The following LGR4 variants were observed in gnomAD, a reference collection of about 807,000 sequenced individuals.
LGR4 encodes the protein leucine-rich repeat-containing G protein-coupled receptor 4.
A neutral mutation model predicts 84.8 loss-of-function variants in LGR4; 44 were observed. The observed-to-expected ratio is 0.52, with a 90% CI of 0.41 to 0.67. LGR4 has a LOEUF of 0.67. Among genes scored for constraint, LGR4 ranks in the 30% least tolerant of loss-of-function variants. The probability of loss-of-function intolerance (pLI) is 0.00; values close to 1 mark genes in which losing one functional copy is unlikely to be tolerated. For missense variants in LGR4, 1,032 were observed against 1,131.4 expected, an observed-to-expected ratio of 0.91 and a Z score of 1.26; for synonymous variants, 429 against 434.3, an observed-to-expected ratio of 0.99 and a Z score of 0.15.
intron 1 of LGR4, among the ~76,000 whole-genome samples, chr11:27,445,040 AGGCAGAACTCG>A (rs199629013): frequency 0.013 from 1,924 of 152,296 alleles, 44 homozygotes; most frequent in African/African-American, 0.044. Context: ...ATTTCAAACA[AGGCAGAACTCG>A]GGCAGCTGCC....
chr11:27,411,190 T>C (rs1256818089), intron 2 of LGR4, among the ~76,000 whole-genome samples: 4 of 152,102 alleles, frequency 2.6e-5, no homozygotes, highest in African/African-American at 7.2e-5. Context: ...TTCCATCACA[T>C]AATTACTTCT....
intron 1 of LGR4, among the ~76,000 whole-genome samples, chr11:27,469,737 T>C (rs1311094841): frequency 6.6e-6 from 1 of 152,236 alleles, no homozygotes; most frequent in Admixed American, 6.5e-5. Flanking sequence ...CTCCAGCAAT[T>C]AAGAATAGGT....
chr11:27,398,150 A>G (rs1052802786), intron 2 of LGR4, among the ~76,000 whole-genome samples: 4 of 152,232 alleles, frequency 2.6e-5, no homozygotes, highest in Non-Finnish European at 5.9e-5. Context: ...CTCTTAATGC[A>G]TATATGACCT....
At chr11:27,410,374 C>G (rs1863687432) in intron 2 of LGR4, among the ~76,000 whole-genome samples, 1 of 152,094 alleles carries the variant, frequency 6.6e-6, no homozygotes, top group Non-Finnish European at 1.5e-5. Flanking sequence ...AAACATTCAT[C>G]ACATCAAATT....
In LGR4 at chr11:27,373,594, T is replaced by G; in HGVS notation, c.1336A>C (p.Lys446Gln). Residue 446 changes from lysine to glutamine, a missense_variant, in exon 15 of 18, where the codon AAG (lysine) becomes CAG (glutamine). Physicochemically the swap from Lys to Gln is moderately conservative, Grantham distance 53. Coordinates refer to ENST00000379214, the MANE Select transcript of LGR4 (RefSeq NM_018490.5). ...TTTGCTGCTAAGGCTTCTTTCAGCT[T>G]GAAGTTGCCCACAAGTTTCAGTTGA... ...LNQLKLVGNFKLKEALAAKDF... is the reference protein window; with the variant it reads ...LNQLKLVGNFQLKEALAAKDF... 6.2e-7 allele frequency: 1 copy of G among 1,601,504 alleles called. No homozygotes were observed. The highest frequency in any genetic ancestry group is 8.5e-7 in the Non-Finnish European group (1 of 1,172,438).
rs1639097263 is a variant in LGR4, at chr11:27,368,282, A to G, written c.2441T>C (p.Leu814Ser). 2.5e-6 allele frequency: 4 copies of G among 1,614,114 alleles called. No homozygotes were observed. The highest frequency in any genetic ancestry group is 3.3e-5 in the Admixed American group (2 of 59,998). ...TTTCTTGGTAACACGTCGCTTCAGTAACTTCCAGTCTTCTTTAAACTTTGG... is the reference window on the plus strand; with the variant it reads ...TTTCTTGGTAACACGTCGCTTCAGTGACTTCCAGTCTTCTTTAAACTTTGG... ...FNPKFKEDWKLLKRRVTKKSG... is the reference protein window; with the variant it reads ...FNPKFKEDWKSLKRRVTKKSG... Residue 814 changes from leucine (L) to serine (S), a missense_variant, in exon 18 of 18, where the codon TTA becomes TCA. Leu to Ser is a moderately radical substitution (Grantham distance 145). Transcript: ENST00000379214.
At chr11:27,371,580 A>T in intron 17 of LGR4, 35 bp downstream of exon 17, 3 of 1,432,846 alleles carry the variant, frequency 2.1e-6, no homozygotes. Context: ...TGTTTGTTTA[A>T]CATGGGTAAC....
intron 2 of LGR4, among the ~76,000 whole-genome samples, chr11:27,398,437 G>A (rs980105418): frequency 1.3e-5 from 2 of 152,182 alleles, no homozygotes; most frequent in Admixed American, 6.5e-5. Context: ...GTTTCTTGTG[G>A]TCTATTACAG....
Position 27,376,293 on chromosome 11 carries a change from A to C in LGR4, c.1181+6T>G. 1 of 1,532,360 alleles carries C rather than the reference A, an allele frequency of 6.5e-7. No individual in the cohort carries two copies. The highest frequency in any genetic ancestry group is 8.9e-7 in the Non-Finnish European group (1 of 1,118,376). The allele number at this position is 1,532,360 out of a possible 1,614,324, so 94.9% of individuals were successfully genotyped here. On this transcript the variant is annotated splice_donor_region_variant and intron_variant, in intron 13 of 17. Coordinates refer to ENST00000379214, the MANE Select transcript of LGR4 (RefSeq NM_018490.5). Reference sequence around the variant, plus strand: ...TATTGTCTTTAATAATCATAGACAAACTTACAGAATCCTTAGAGATATCAG... The same window carrying C: ...TATTGTCTTTAATAATCATAGACAACCTTACAGAATCCTTAGAGATATCAG...
intron 3 of LGR4, among the ~76,000 whole-genome samples, chr11:27,391,925 T>TG (rs1863293479): frequency 6.6e-6 from 1 of 152,098 alleles, no homozygotes; most frequent in Non-Finnish European, 1.5e-5. Context: ...GTGGCAGAAG[T>TG]GGGGGCAGTC....
chr11:27,453,248 T>C (rs34642299), intron 1 of LGR4, among the ~76,000 whole-genome samples: 36,344 of 151,882 alleles, frequency 0.24, 4,556 homozygotes, highest in African/African-American at 0.31. Context: ...TTTGTACTTT[T>C]AGTAAAGACA....
At chr11:27,405,575 TG>T (rs1363800159) in intron 2 of LGR4, among the ~76,000 whole-genome samples, 1 of 152,186 alleles carries the variant, frequency 6.6e-6, no homozygotes, top group Non-Finnish European at 1.5e-5. Context: ...TCCACATGTA[TG>T]TTAAAAACAG....
intron 1 of LGR4, among the ~76,000 whole-genome samples, chr11:27,424,882 G>A (rs949484739): frequency 6.6e-6 from 1 of 152,066 alleles, no homozygotes; most frequent in Admixed American, 6.6e-5. Context: ...CAAGTAGTTG[G>A]GATTATAGGC....
At chr11:27,407,310 T>C (rs1863629728) in intron 2 of LGR4, among the ~76,000 whole-genome samples, 1 of 152,122 alleles carries the variant, frequency 6.6e-6, no homozygotes, top group African/African-American at 2.4e-5. Flanking sequence ...ATGGTCCCTT[T>C]AGCTCCCCTC....
At chr11:27,464,408 C>A (rs1368179975) in intron 1 of LGR4, among the ~76,000 whole-genome samples, 1 of 152,152 alleles carries the variant, frequency 6.6e-6, no homozygotes, top group Non-Finnish European at 1.5e-5. Context: ...GAAGAGATTG[C>A]CAGTTTGCAA....
chr11:27,448,356 G>A (rs1014413924), intron 1 of LGR4, among the ~76,000 whole-genome samples: 1 of 149,840 alleles, frequency 6.7e-6, no homozygotes, highest in African/African-American at 2.5e-5. Context: ...GCAATGGTGT[G>A]ATCTCAGCTC....
chr11:27,413,782 A>G (rs927341116), intron 1 of LGR4, among the ~76,000 whole-genome samples: 1 of 152,164 alleles, frequency 6.6e-6, no homozygotes, highest in African/African-American at 2.4e-5. Context: ...GGTATGAGGA[A>G]GGAGAAGAGA....
intron 1 of LGR4, among the ~76,000 whole-genome samples, chr11:27,442,506 T>G (rs1340681862): frequency 1.3e-5 from 2 of 152,216 alleles, no homozygotes; most frequent in East Asian, 3.8e-4. Context: ...TACAGAGGGC[T>G]TATAAACCAC....
chr11:27,386,464 T>G (rs543156423), intron 4 of LGR4, among the ~76,000 whole-genome samples: 1 of 152,202 alleles, frequency 6.6e-6, no homozygotes, highest in Non-Finnish European at 1.5e-5. Context: ...GACTTCTTTG[T>G]GAAAATTACA....
Sources: allele counts gnomAD v4.1 joint callset (sites outside exome capture counted in the v4.1 genomes callset), GRCh38; gene constraint gnomAD v4.1.1; transcripts MANE v1.5; gene names NCBI Gene and HGNC (gene_info 2026-07-23, HGNC 2026-07-21).